The following EXT1 variants were observed in gnomAD, a reference collection of about 807,000 sequenced individuals.
The protein encoded by EXT1 is exostosin glycosyltransferase 1.
Under a neutral mutation model 82.5 loss-of-function variants are expected in EXT1, and 20 were observed. The ratio of observed to expected loss-of-function variants is 0.24; its 90% confidence interval spans 0.17 to 0.35. The LOEUF (loss-of-function observed/expected upper bound fraction) is 0.35. EXT1 is among the 10% of genes least tolerant of loss of function. EXT1 has a pLI of 1.00. For missense variants in EXT1, 757 were observed against 936.5 expected, an observed-to-expected ratio of 0.81 and a Z score of 2.50; for synonymous variants, 348 against 350.8, an observed-to-expected ratio of 0.99 and a Z score of 0.09.
At position 117,800,778 on chromosome 8, in the gene EXT1, GCTCT is replaced by G. The variant is rs1440617278; in HGVS notation, c.2056-885_2056-882del. On this transcript the variant is annotated intron_variant, in intron 10 of 10. Transcript: ENST00000378204. ...AGAAAAGATGGCTACCATGTTTTTAGCTCTCTGTGTTGCCCCTAAAGTTGGTTAA... is the reference window on the plus strand; with the variant it reads ...AGAAAAGATGGCTACCATGTTTTTAGCTGTGTTGCCCCTAAAGTTGGTTAA... Among the ~76,000 whole-genome samples, 3 of 152,296 alleles carry G rather than the reference GCTCT, an allele frequency of 2.0e-5. No individual in the cohort carries two copies. The East Asian group carries it at 5.8e-4, about 29-fold the overall frequency.
chr8:118,096,993 G>A (rs7015975), intron 1 of EXT1, among the ~76,000 whole-genome samples: 3,002 of 152,168 alleles, frequency 0.02, 97 homozygotes, highest in African/African-American at 0.068. Flanking sequence ...TGAGTCAGTC[G>A]GGCATGGTGC....
At chr8:118,092,217 T>G (rs181996882) in intron 1 of EXT1, among the ~76,000 whole-genome samples, 1 of 152,370 alleles carries the variant, frequency 6.6e-6, no homozygotes, top group East Asian at 1.9e-4. Flanking sequence ...AATATTTTTT[T>G]GTCTGTCACC....
At chr8:118,103,906 T>C (rs1338844220) in intron 1 of EXT1, among the ~76,000 whole-genome samples, 1 of 152,196 alleles carries the variant, frequency 6.6e-6, no homozygotes, top group Non-Finnish European at 1.5e-5. Context: ...AACATGTTCA[T>C]AAAGTAAAGC....
intron 1 of EXT1, among the ~76,000 whole-genome samples, chr8:118,063,978 T>C (rs770518566): frequency 2.0e-5 from 3 of 152,214 alleles, no homozygotes. Context: ...GCGATTCTCC[T>C]GCCTCAGCCG....
At chr8:117,944,326 G>A (rs1814344501) in intron 1 of EXT1, among the ~76,000 whole-genome samples, 1 of 152,216 alleles carries the variant, frequency 6.6e-6, no homozygotes, top group African/African-American at 2.4e-5. Context: ...CTGGAATCCG[G>A]GAGGCGGAGG....
At chr8:117,895,011 G>T (rs568356089) in intron 1 of EXT1, among the ~76,000 whole-genome samples, 2 of 152,320 alleles carry the variant, frequency 1.3e-5, no homozygotes, top group Admixed American at 1.3e-4. Context: ...CAAATACAAT[G>T]TCTATAAGCT....
intron 1 of EXT1, among the ~76,000 whole-genome samples, chr8:117,959,437 G>C (rs954239458): frequency 1.3e-5 from 2 of 152,222 alleles, no homozygotes; most frequent in Non-Finnish European, 1.5e-5. Context: ...AAGGCCAGAA[G>C]CGTCTTCAAA....
At chr8:117,976,675 A>T (rs1252947395) in intron 1 of EXT1, among the ~76,000 whole-genome samples, 1 of 152,250 alleles carries the variant, frequency 6.6e-6, no homozygotes, top group African/African-American at 2.4e-5. Context: ...GACATACACA[A>T]AAATTCATAC....
chr8:118,105,431 C>A (rs1207008219), intron 1 of EXT1, among the ~76,000 whole-genome samples: 1 of 152,222 alleles, frequency 6.6e-6, no homozygotes, highest in Non-Finnish European at 1.5e-5. Context: ...CCACTGGAAA[C>A]CCTCATTTGC....
chr8:118,094,216 A>G (rs1019582636), intron 1 of EXT1, among the ~76,000 whole-genome samples: 1 of 152,176 alleles, frequency 6.6e-6, no homozygotes, highest in African/African-American at 2.4e-5. Flanking sequence ...CTTTTGTAAT[A>G]GGAGAACGAA....
chr8:117,875,402 T>TA (rs1812950834), intron 1 of EXT1, among the ~76,000 whole-genome samples: 1 of 150,646 alleles, frequency 6.6e-6, no homozygotes, highest in Non-Finnish European at 1.5e-5. Context: ...GCCTGGGTGA[T>TA]AGAGTGAAAC....
chr8:117,968,768 A>G, intron 1 of EXT1, among the ~76,000 whole-genome samples: 1 of 73,286 alleles, frequency 1.4e-5, no homozygotes, highest in Non-Finnish European at 2.3e-5. Flanking sequence ...ACGGGGTTTC[A>G]CCAGGTTAGC....
At chr8:117,961,584 A>C (rs1471232384) in intron 1 of EXT1, among the ~76,000 whole-genome samples, 1 of 152,242 alleles carries the variant, frequency 6.6e-6, no homozygotes, top group Non-Finnish European at 1.5e-5. Flanking sequence ...AAAATAAGCT[A>C]TTCTAATTGG....
chr8:117,813,168 T>A (rs1464928858), intron 7 of EXT1, among the ~76,000 whole-genome samples: 5 of 152,192 alleles, frequency 3.3e-5, no homozygotes, highest in African/African-American at 1.2e-4. Context: ...GTAGCAGACA[T>A]CTTGCTTGTC....
intron 1 of EXT1, among the ~76,000 whole-genome samples, chr8:117,856,203 C>CA (rs1812553258): frequency 6.6e-6 from 1 of 151,454 alleles, no homozygotes; most frequent in South Asian, 2.1e-4. Context: ...CCTAGAAGAG[C>CA]AAACCATCCA....
At chr8:117,975,068 G>A (rs930179491) in intron 1 of EXT1, among the ~76,000 whole-genome samples, 3 of 152,194 alleles carry the variant, frequency 2.0e-5, no homozygotes, top group Non-Finnish European at 4.4e-5. Flanking sequence ...AACGATAAGT[G>A]CTTTTTGCAC....
chr8:117,879,423 A>C (rs1054029538), intron 1 of EXT1, among the ~76,000 whole-genome samples: 22 of 152,070 alleles, frequency 1.4e-4, no homozygotes, highest in Non-Finnish European at 2.1e-4. Flanking sequence ...TTTCCCCCTC[A>C]ATCATTCCTT....
At chr8:117,909,928 C>G (rs1481184824) in intron 1 of EXT1, among the ~76,000 whole-genome samples, 2 of 152,102 alleles carry the variant, frequency 1.3e-5, no homozygotes, top group Non-Finnish European at 1.5e-5. Context: ...CTGCCATGCC[C>G]AGCTAATTTT....
chr8:118,033,625 T>C (rs1816371668), intron 1 of EXT1, among the ~76,000 whole-genome samples: 2 of 152,084 alleles, frequency 1.3e-5, no homozygotes, highest in Admixed American at 6.6e-5. Flanking sequence ...ACTACAGGTG[T>C]GCACCACCAC....
Sources: gnomAD v4.1 joint callset for allele counts (sites outside exome capture counted in the v4.1 genomes callset) on GRCh38, gnomAD v4.1.1 for gene constraint, MANE v1.5 for transcripts, NCBI Gene and HGNC (gene_info 2026-07-23, HGNC 2026-07-21) for gene names.